FKTN: variants seen among roughly 807,000 people sequenced by gnomAD.
The protein encoded by FKTN is fukutin, also known as ribitol-5-phosphate transferase FKTN.
Under a neutral mutation model 58.6 loss-of-function variants are expected in FKTN, and 47 were observed. That is an observed-to-expected ratio of 0.80 (90% CI 0.63 to 1.02). The LOEUF is 1.02. FKTN is among the 50% of genes least tolerant of loss of function. FKTN has a pLI of 0.00. For synonymous variants in FKTN, 178 were observed against 191.9 expected (o/e 0.93, Z 0.60); for missense variants, 516 against 537.3 (o/e 0.96, Z 0.39).
At chr9:105,582,879 A>G (rs1420533119) in intron 3 of FKTN, among the ~76,000 whole-genome samples, 2 of 152,220 alleles carry the variant, frequency 1.3e-5, no homozygotes, top group South Asian at 2.1e-4. Context: ...TCAGTTAGAG[A>G]TGGCTGGCTA....
chr9:105,560,227 T>G (rs1298646974), intron 1 of FKTN, among the ~76,000 whole-genome samples: 1 of 152,232 alleles, frequency 6.6e-6, no homozygotes, highest in African/African-American at 2.4e-5. Context: ...TTATCCTCCC[T>G]GCATGTAAAG....
rs764218622 is a variant in FKTN, at chr9:105,637,518, A to G, written c.*2254A>G. On this transcript the variant is annotated 3_prime_UTR_variant, in exon 11 of 11. Coordinates refer to ENST00000357998, the MANE Select transcript of FKTN (RefSeq NM_001079802.2). ...GCTTACCTCTGATTCTGATTCATCC[A>G]TACTTCATCTTATGTATTTTAACAG... 185 of 985,316 alleles carry G rather than the reference A, an allele frequency of 1.9e-4. No homozygotes were observed. The highest frequency in any genetic ancestry group is 2.1e-4 in the Non-Finnish European group (177 of 829,936). The allele number at this position is 985,316 out of a possible 1,614,324, so 61.0% of individuals were successfully genotyped here.
At chr9:105,578,663 A>C (rs1842250355) in intron 3 of FKTN, among the ~76,000 whole-genome samples, 1 of 151,960 alleles carries the variant, frequency 6.6e-6, no homozygotes, top group South Asian at 2.1e-4. Context: ...CGGCTTTGGT[A>C]TCAGAATGAT....
At chr9:105,628,785 C>T (rs1833048547) in intron 10 of FKTN, among the ~76,000 whole-genome samples, 1 of 152,104 alleles carries the variant, frequency 6.6e-6, no homozygotes, top group Non-Finnish European at 1.5e-5. Flanking sequence ...ATTTCTAAAA[C>T]ATGATGCTAA....
rs2133474610 is a variant in FKTN at position 105,638,047 on chromosome 9, A to G, written c.*2783A>G. On this transcript the variant is annotated 3_prime_UTR_variant, in exon 11 of 11. Coordinates refer to ENST00000357998, the MANE Select transcript of FKTN (RefSeq NM_001079802.2). ...GAAAATCATTCTGCTTTTGAATCTT[A>G]AAAGCTAGAAAAACCATAATGTAAT... The G allele has an allele frequency of 1.0e-6, 1 of 978,200 alleles. No homozygotes were observed. Among genetic ancestry groups the G allele is most frequent in the East Asian group, 1.1e-4 (1 of 8,806 alleles). The allele number at this position is 978,200 out of a possible 1,614,324, so 60.6% of individuals were successfully genotyped here. A position where few individuals can be genotyped will look rare whatever the true frequency, so the allele number is the denominator to read the frequency against.
intron 1 of FKTN, among the ~76,000 whole-genome samples, chr9:105,561,913 T>C (rs1226939216): frequency 6.6e-6 from 1 of 151,056 alleles, no homozygotes; most frequent in Non-Finnish European, 1.5e-5. Context: ...TGAGAACAGC[T>C]GAAAAATGTC....
At chr9:105,629,707 T>G (rs1833163005) in intron 10 of FKTN, among the ~76,000 whole-genome samples, 1 of 152,178 alleles carries the variant, frequency 6.6e-6, no homozygotes, top group African/African-American at 2.4e-5. Flanking sequence ...ATTATGTGTA[T>G]GTATATATAC....
At chr9:105,607,505 T>C (rs552660471) in intron 6 of FKTN, among the ~76,000 whole-genome samples, 3 of 152,196 alleles carry the variant, frequency 2.0e-5, no homozygotes, top group Admixed American at 6.5e-5. Flanking sequence ...ACATAATTGA[T>C]GAAACTATGC....
intron 2 of FKTN, chr9:105,574,221 C>G (rs1408765592): frequency 6.6e-6 from 1 of 151,726 alleles, no homozygotes; most frequent in Non-Finnish European, 1.5e-5. Context: ...GACATATAAA[C>G]CTTAGATATC....
rs542171897 is a variant in FKTN at position 105,563,822 on chromosome 9, A to G, written c.-181+5657A>G. Among the ~76,000 whole-genome samples, 3 of 152,188 alleles carry G rather than the reference A, an allele frequency of 2.0e-5. No individual in the cohort carries two copies. The South Asian group carries it at 6.2e-4, about 32-fold the overall frequency. ...GAGAGTAGTGGTTCTCCCAGCATGG[A>G]GCTTGAGATCTGAGAACGGACAGAC... is the stretch of plus-strand genomic sequence containing the variant. On this transcript the variant is annotated intron_variant, in intron 1 of 10. Coordinates refer to ENST00000357998, the MANE Select transcript of FKTN (RefSeq NM_001079802.2).
Position 105,595,023 on chromosome 9 carries a change from A to G in FKTN, c.106-1575A>G, listed in dbSNP as rs189070356. On this transcript the variant is annotated intron_variant, in intron 3 of 10. Transcript: ENST00000357998. ...CCATAAAAGGAAATGAAGTACTGATACATGCCACAGCATGAATGAACTTTG... is the reference window on the plus strand; with the variant it reads ...CCATAAAAGGAAATGAAGTACTGATGCATGCCACAGCATGAATGAACTTTG... Among the ~76,000 whole-genome samples the G allele has an allele frequency of 3.3e-5, 5 of 152,344 alleles. No homozygotes were observed. The East Asian group carries it at 5.8e-4, about 18-fold the overall frequency.
In FKTN at chr9:105,604,267, A is replaced by G. The variant is rs1402162868; in HGVS notation, c.422A>G (p.Glu141Gly). Residue 141 changes from glutamate to glycine, a missense_variant, in exon 6 of 11, where the codon GAG (glutamate) becomes GGG (glycine). By Grantham distance (98) the Glu-to-Gly change is moderately conservative (BLOSUM62 -2). Transcript: ENST00000357998. The stretch of plus-strand genomic sequence containing the variant: ...ATGGGATTTCAGTGCCTAAAGATTG[A>G]GAGTAAAGATCCCCGGCTAGACGGG... ...ENMGFQCLKI[E>G]SKDPRLDGID... 1.2e-6 allele frequency: 2 copies of G among 1,613,162 alleles called. No homozygotes were observed. The highest frequency in any genetic ancestry group is 1.3e-5 in the African/African-American group (1 of 75,010).
intron 3 of FKTN, among the ~76,000 whole-genome samples, chr9:105,589,093 T>A (rs1030375274): frequency 1.3e-5 from 2 of 152,194 alleles, no homozygotes; most frequent in African/African-American, 4.8e-5. Flanking sequence ...TAATGAAATT[T>A]AAACTTCAGG....
intron 3 of FKTN, among the ~76,000 whole-genome samples, chr9:105,592,767 C>CT (rs147685606): frequency 6.6e-6 from 1 of 152,186 alleles, no homozygotes; most frequent in Non-Finnish European, 1.5e-5. Context: ...ACAAAAGTGA[C>CT]TTTTTGCTTC....
chr9:105,581,790 C>A lies in FKTN; in HGVS notation c.105+6653C>A, dbSNP rs575172026. Among the ~76,000 whole-genome samples, 1,292 of 152,344 alleles carry A rather than the reference C, an allele frequency of 8.5e-3. 12 individuals are homozygous for A. The highest frequency in any genetic ancestry group is 0.024 in the Middle Eastern group (7 of 294). On this transcript the variant is annotated intron_variant, in intron 3 of 10. Coordinates refer to ENST00000357998, the MANE Select transcript of FKTN (RefSeq NM_001079802.2). ...CCTCGCTGCCGCCTTGCAGTTTGAT[C>A]TCAGACTGCTGGGCTAGCAATCAGC...
At chr9:105,605,670 T>C (rs1369228563) in intron 6 of FKTN, among the ~76,000 whole-genome samples, 1 of 152,070 alleles carries the variant, frequency 6.6e-6, no homozygotes, top group Admixed American at 6.6e-5. Flanking sequence ...TCTCACTTAT[T>C]TGTGGGAGTG....
chr9:105,632,038 A>C (rs1328949199), intron 10 of FKTN, among the ~76,000 whole-genome samples: 1 of 150,796 alleles, frequency 6.6e-6, no homozygotes, highest in African/African-American at 2.4e-5. Flanking sequence ...ACAATGATAG[A>C]CTGGATTAAG....
intron 10 of FKTN, among the ~76,000 whole-genome samples, chr9:105,624,623 C>CAAAAAAA (rs779770311): frequency 5.8e-5 from 4 of 69,132 alleles, no homozygotes; most frequent in Admixed American, 1.6e-4. Flanking sequence ...AGAGCAAAAC[C>CAAAAAAA]AAAAAAAAAA....
chr9:105,595,566 G>T (rs1385735943), intron 3 of FKTN, among the ~76,000 whole-genome samples: 1 of 152,174 alleles, frequency 6.6e-6, no homozygotes, highest in Non-Finnish European at 1.5e-5. Flanking sequence ...TGCAGAGCTT[G>T]TGAGGAGAGA....
Sources: gnomAD v4.1 joint callset for allele counts (sites outside exome capture counted in the v4.1 genomes callset) on GRCh38, gnomAD v4.1.1 for gene constraint, MANE v1.5 for transcripts, NCBI Gene and HGNC (gene_info 2026-07-23, HGNC 2026-07-21) for gene names.